CLIP1: variants seen among roughly 807,000 people sequenced by gnomAD.
CLIP1 encodes the protein CAP-Gly domain containing linker protein 1, also known as CAP-Gly domain-containing linker protein 1.
A neutral mutation model predicts 161.6 loss-of-function variants in CLIP1; 66 were observed. That is an observed-to-expected ratio of 0.41 (90% CI 0.33 to 0.50). CLIP1 has a LOEUF of 0.50. CLIP1 is among the 20% of genes least tolerant of loss of function. The pLI is 0.27. For missense variants in CLIP1, 1,376 were observed against 1,702.0 expected (o/e 0.81, Z 3.37); for synonymous variants, 598 against 626.2 (o/e 0.96, Z 0.67).
intron 9 of CLIP1, among the ~76,000 whole-genome samples, chr12:122,348,145 A>G (rs190508593): frequency 1.1e-4 from 16 of 152,274 alleles, no homozygotes; most frequent in Non-Finnish European, 2.4e-4. Flanking sequence ...CTGAGTTAAG[A>G]GTCTTAGCAA....
chr12:122,419,085 A>C (rs954641444), intron 1 of CLIP1, among the ~76,000 whole-genome samples: 25 of 152,002 alleles, frequency 1.6e-4, no homozygotes, highest in African/African-American at 5.6e-4. Context: ...ATTAACCAAG[A>C]AACAGATGGG....
At chr12:122,420,391 T>C (rs1290364730) in intron 1 of CLIP1, among the ~76,000 whole-genome samples, 2 of 150,682 alleles carry the variant, frequency 1.3e-5, no homozygotes, top group South Asian at 2.1e-4. Context: ...AACTCCTCAA[T>C]AGGACAGAAA....
chr12:122,310,444 T>G (rs1293488387), intron 19 of CLIP1, among the ~76,000 whole-genome samples: 1 of 152,256 alleles, frequency 6.6e-6, no homozygotes, highest in East Asian at 1.9e-4. Context: ...AAATATAGTT[T>G]CCTAATTACA....
At chr12:122,329,271 GAGCCAAGATCGCATCACTGCAGTCC>G (rs2136244033) in intron 15 of CLIP1, among the ~76,000 whole-genome samples, 1 of 152,256 alleles carries the variant, frequency 6.6e-6, no homozygotes, top group African/African-American at 2.4e-5. Flanking sequence ...AGGTTGCAGT[GAGCCAAGATCGCATCACTGCAGTCC>G]AGCCTGGGCA....
At chr12:122,312,892 G>A (rs973054639) in intron 19 of CLIP1, among the ~76,000 whole-genome samples, 5 of 152,260 alleles carry the variant, frequency 3.3e-5, no homozygotes, top group East Asian at 3.9e-4. Context: ...GTTAAACCAC[G>A]GAAGAAGTAA....
chr12:122,310,570 AATGAAC>A (rs1243355215), intron 19 of CLIP1, among the ~76,000 whole-genome samples: 13 of 152,250 alleles, frequency 8.5e-5, no homozygotes, highest in Non-Finnish European at 1.9e-4. Flanking sequence ...GCATAGAAAA[AATGAAC>A]AGGATAGGTA....
chr12:122,319,289 A>C lies in CLIP1; in HGVS notation c.3309T>G (p.Thr1103=), dbSNP rs1302667588. The change falls in exon 18 of 26, where the codon ACT becomes ACG. Residue 1103 remains threonine, a synonymous_variant. Coordinates refer to ENST00000620786, the MANE Select transcript of CLIP1 (RefSeq NM_001247997.2). The part of the protein sequence containing the change: ...QIMEQMTKEK[T]ETLASLEDTK... The stretch of plus-strand genomic sequence containing the variant: ...TGTCCTCCAAGGAGGCCAGAGTCTC[A>C]GTCTTCTCTTTGGTCATCTGTTCCA... 1 of 1,614,062 alleles carries C rather than the reference A, an allele frequency of 6.2e-7. No homozygotes were observed. Among genetic ancestry groups the C allele is most frequent in the Non-Finnish European group, 8.5e-7 (1 of 1,180,002 alleles).
intron 1 of CLIP1, among the ~76,000 whole-genome samples, chr12:122,392,217 C>G (rs1955688452): frequency 6.6e-6 from 1 of 151,984 alleles, no homozygotes; most frequent in African/African-American, 2.4e-5. Flanking sequence ...ACTGCAGTGA[C>G]CTATGATTAC....
At chr12:122,286,541 A>AAAAAAAAAAAAAG (rs1955861971) in intron 21 of CLIP1, among the ~76,000 whole-genome samples, 1 of 148,260 alleles carries the variant, frequency 6.7e-6, no homozygotes, top group Non-Finnish European at 1.5e-5. Flanking sequence ...AAAAAAAAAA[A>AAAAAAAAAAAAAG]AAAAAAAAAA....
intron 3 of CLIP1, chr12:122,364,724 A>T: frequency 1.8e-6 from 1 of 569,224 alleles, no homozygotes; most frequent in Non-Finnish European, 3.4e-6. Context: ...TTTTTCTAAC[A>T]GAAATGTTCC....
intron 19 of CLIP1, 142 bp from the exon 20 acceptor site, chr12:122,310,024 T>A: frequency 1.1e-6 from 1 of 894,194 alleles, no homozygotes; most frequent in Non-Finnish European, 1.7e-6. Flanking sequence ...GACAGTATTA[T>A]CTACATGCAG....
In CLIP1 at chr12:122,422,635, G is replaced by C. The variant is rs921487062; in HGVS notation, c.-221C>G. 6.8e-6 allele frequency: 1 copy of C among 146,184 alleles called. No individual in the cohort carries two copies. The highest frequency in any genetic ancestry group is 2.5e-5 in the African/African-American group (1 of 40,692). 9.1% of individuals were successfully genotyped at this position (146,184 alleles called of 1,614,324 possible). A position where few individuals can be genotyped will look rare whatever the true frequency, so the allele number is the denominator to read the frequency against. On this transcript the variant is annotated 5_prime_UTR_variant, in exon 1 of 26. Coordinates refer to ENST00000620786, the MANE Select transcript of CLIP1 (RefSeq NM_001247997.2). ...CTCGGGGCGGGGGAGAGCGTGACGC[G>C]CCGCCGCCGCCGCGGGGCCGGGCGG...
At chr12:122,275,982 C>G (rs1955411533) in intron 24 of CLIP1, among the ~76,000 whole-genome samples, 1 of 152,100 alleles carries the variant, frequency 6.6e-6, no homozygotes, top group Non-Finnish European at 1.5e-5. Flanking sequence ...AGGGACCGCT[C>G]TTATCCTGAA....
intron 1 of CLIP1, among the ~76,000 whole-genome samples, chr12:122,388,094 A>G (rs1489341172): frequency 6.6e-6 from 1 of 152,208 alleles, no homozygotes; most frequent in African/African-American, 2.4e-5. Context: ...ATTTCTATAA[A>G]GCAGTCATCA....
chr12:122,336,549 G>C, intron 12 of CLIP1, 83 bp downstream of exon 12: 1 of 718,112 alleles, frequency 1.4e-6, no homozygotes, highest in East Asian at 2.5e-5. Flanking sequence ...AAAGGAAACA[G>C]CTACAATATT....
chr12:122,282,274 C>T lies in CLIP1; in HGVS notation c.3648-3129G>A, dbSNP rs76882667. 9.1e-3 allele frequency among the ~76,000 whole-genome samples: 1,382 copies of T among 152,260 alleles called. 27 individuals carry two copies. The highest frequency in any genetic ancestry group is 0.032 in the African/African-American group (1,321 of 41,522). On this transcript the variant is annotated intron_variant, in intron 21 of 25. Transcript: ENST00000620786. ...CTATGCAAACCACCAGGAGGGACTA[C>T]ATTAAACCATTGTCTATGCCAACAT... is the stretch of plus-strand genomic sequence containing the variant.
chr12:122,357,930 G>A (rs1371909106), intron 5 of CLIP1, among the ~76,000 whole-genome samples: 1 of 152,070 alleles, frequency 6.6e-6, no homozygotes, highest in Non-Finnish European at 1.5e-5. Flanking sequence ...CACCCCGTCT[G>A]GGAGGTGTAC....
chr12:122,353,147 C>T (rs970583741), intron 7 of CLIP1, among the ~76,000 whole-genome samples: 1 of 152,136 alleles, frequency 6.6e-6, no homozygotes, highest in South Asian at 2.1e-4. Flanking sequence ...AGTTTAAGAG[C>T]GGCCTGAGCA....
chr12:122,340,227 T>G (rs1284056663), intron 11 of CLIP1, among the ~76,000 whole-genome samples: 1 of 152,050 alleles, frequency 6.6e-6, no homozygotes, highest in Non-Finnish European at 1.5e-5. Context: ...ATTACAGGTG[T>G]CCGCCACCAT....
Sources: gnomAD v4.1 joint callset for allele counts (sites outside exome capture counted in the v4.1 genomes callset) on GRCh38, gnomAD v4.1.1 for gene constraint, MANE v1.5 for transcripts, NCBI Gene and HGNC (gene_info 2026-07-23, HGNC 2026-07-21) for gene names.